The following SND1 variants were observed in gnomAD, a reference collection of about 807,000 sequenced individuals.
SND1 encodes the protein staphylococcal nuclease and tudor domain containing 1.
SND1 carries 38 observed loss-of-function variants against 121.7 expected under a neutral mutation model. The observed-to-expected ratio is 0.31, with a 90% CI of 0.24 to 0.41. The LOEUF (loss-of-function observed/expected upper bound fraction) is 0.41, where lower values mean the gene tolerates loss of function less well. Ranked by LOEUF, SND1 falls within the 10% of genes least tolerant of loss-of-function variation. The pLI is 1.00. For synonymous variants in SND1, 401 were observed against 447.4 expected, an observed-to-expected ratio of 0.90 and a Z score of 1.31; for missense variants, 868 against 1,184.6, an observed-to-expected ratio of 0.73 and a Z score of 3.92.
At chr7:128,084,983 C>A in intron 19 of SND1, 136 bp downstream of exon 19, 1 of 862,604 alleles carries the variant, frequency 1.2e-6, no homozygotes, top group Non-Finnish European at 1.7e-6. Flanking sequence ...TCCTGGGTGT[C>A]CCTCTTCATT....
At chr7:127,841,575 G>T (rs1029429182) in intron 11 of SND1, among the ~76,000 whole-genome samples, 5 of 152,082 alleles carry the variant, frequency 3.3e-5, no homozygotes, top group African/African-American at 9.7e-5. Context: ...TAAGCTTGTT[G>T]TGAGGCCTTG....
intron 10 of SND1, among the ~76,000 whole-genome samples, chr7:127,779,618 G>T (rs1390472338): frequency 2.6e-5 from 4 of 152,162 alleles, no homozygotes; most frequent in African/African-American, 9.7e-5. Flanking sequence ...TTTCTAATAT[G>T]CAGGTCACTG....
At position 127,657,497 on chromosome 7, in the gene SND1, A is replaced by AT. The variant is rs1562969374; in HGVS notation, c.78+5052dup. Among the ~76,000 whole-genome samples, 4 of 152,146 alleles carry AT rather than the reference A, an allele frequency of 2.6e-5. No individual in the cohort carries two copies. The South Asian group carries it at 8.3e-4, about 32-fold the overall frequency. Reference sequence around the variant, plus strand: ...TTCCACCATTGATGATTTATTTTTTATTTTTTATTTTTTTCAGTCAGGATT... The same window carrying AT: ...TTCCACCATTGATGATTTATTTTTTATTTTTTTATTTTTTTCAGTCAGGATT... On this transcript the variant is annotated intron_variant, in intron 1 of 23. Coordinates refer to ENST00000354725, the MANE Select transcript of SND1 (RefSeq NM_014390.4).
intron 16 of SND1, among the ~76,000 whole-genome samples, chr7:128,068,049 C>T (rs1348033255): frequency 6.6e-6 from 1 of 152,136 alleles, no homozygotes; most frequent in Non-Finnish European, 1.5e-5. Flanking sequence ...CTGGAGGAGG[C>T]TTTAGGAGAG....
intron 16 of SND1, chr7:127,998,170 T>C: frequency 2.9e-6 from 1 of 342,026 alleles, no homozygotes; most frequent in Admixed American, 3.8e-5. Flanking sequence ...GAAGAAGGCC[T>C]GTTATTTTGT....
chr7:128,019,091 C>G (rs948923540), intron 16 of SND1, among the ~76,000 whole-genome samples: 4 of 152,186 alleles, frequency 2.6e-5, no homozygotes, highest in Non-Finnish European at 5.9e-5. Flanking sequence ...ACCTGCCCCC[C>G]TCCCCACCTC....
At chr7:127,968,999 CA>C (rs1359437295) in intron 15 of SND1, among the ~76,000 whole-genome samples, 3 of 152,180 alleles carry the variant, frequency 2.0e-5, no homozygotes, top group African/African-American at 7.2e-5. Flanking sequence ...CAACTCCATC[CA>C]GAGTTGCCTC....
intron 10 of SND1, among the ~76,000 whole-genome samples, chr7:127,738,879 AC>A (rs1475481663): frequency 1.3e-5 from 2 of 152,024 alleles, no homozygotes; most frequent in Non-Finnish European, 2.9e-5. Flanking sequence ...TCCTGCCTCC[AC>A]TTGAATACTT....
At chr7:128,053,462 G>C (rs1793081049) in intron 16 of SND1, among the ~76,000 whole-genome samples, 1 of 151,946 alleles carries the variant, frequency 6.6e-6, no homozygotes, top group Non-Finnish European at 1.5e-5. Flanking sequence ...GACTCTCAGG[G>C]TTCAAAAAAA....
intron 15 of SND1, among the ~76,000 whole-genome samples, chr7:127,985,035 G>A (rs1334975564): frequency 1.3e-5 from 2 of 152,212 alleles, no homozygotes; most frequent in African/African-American, 4.8e-5. Context: ...GAATAGAGCT[G>A]TTTTTCCTAT....
At chr7:127,885,612 C>T (rs1799889522) in intron 12 of SND1, among the ~76,000 whole-genome samples, 1 of 152,004 alleles carries the variant, frequency 6.6e-6, no homozygotes, top group Non-Finnish European at 1.5e-5. Context: ...AGAAAGTGCC[C>T]TTGGTTTTTC....
chr7:127,940,061 C>T (rs1375705043), intron 15 of SND1, among the ~76,000 whole-genome samples: 2 of 152,114 alleles, frequency 1.3e-5, no homozygotes, highest in Non-Finnish European at 2.9e-5. Flanking sequence ...CCTAGGTGTT[C>T]CTTTTCGGGC....
chr7:127,724,310 A>G (rs1796546938), intron 10 of SND1, among the ~76,000 whole-genome samples: 1 of 152,268 alleles, frequency 6.6e-6, no homozygotes, highest in African/African-American at 2.4e-5. Flanking sequence ...AAGAGATATT[A>G]GGAATTAGCT....
chr7:127,706,864 A>G (rs1796210665), intron 8 of SND1, among the ~76,000 whole-genome samples: 1 of 152,242 alleles, frequency 6.6e-6, no homozygotes, highest in Non-Finnish European at 1.5e-5. Context: ...CTAAAACAAA[A>G]GATTGCAATA....
chr7:128,000,569 C>T (rs547553427), intron 16 of SND1, among the ~76,000 whole-genome samples: 1 of 152,114 alleles, frequency 6.6e-6, no homozygotes, highest in Non-Finnish European at 1.5e-5. Context: ...AGGCTTTCAC[C>T]ATGTTGCCCA....
intron 16 of SND1, among the ~76,000 whole-genome samples, chr7:128,056,831 TAAC>T (rs1217067379): frequency 1.3e-5 from 2 of 152,198 alleles, no homozygotes; most frequent in South Asian, 2.1e-4. Flanking sequence ...ATAAGATTAA[TAAC>T]AATAATAATA....
chr7:127,827,622 A>C lies in SND1; in HGVS notation c.1243-16702A>C, dbSNP rs559852183. Among the ~76,000 whole-genome samples the C allele has an allele frequency of 1.2e-4, 19 of 152,238 alleles. 1 individual carries two copies. The South Asian group carries it at 3.9e-3, about 32-fold the overall frequency. Reference sequence around the variant, plus strand: ...CAGACTTATCATTGGATATTACTTAATTTATTCTATTCTTATGTTTATCAC... The same window carrying C: ...CAGACTTATCATTGGATATTACTTACTTTATTCTATTCTTATGTTTATCAC... On this transcript the variant is annotated intron_variant, in intron 11 of 23. Coordinates refer to ENST00000354725, the MANE Select transcript of SND1 (RefSeq NM_014390.4).
At chr7:127,813,517 A>G (rs1307454603) in intron 11 of SND1, among the ~76,000 whole-genome samples, 1 of 152,264 alleles carries the variant, frequency 6.6e-6, no homozygotes, top group South Asian at 2.1e-4. Context: ...TGTTGAGCTG[A>G]GCACACATTT....
At chr7:127,706,103 T>C (rs1232050511) in intron 8 of SND1, among the ~76,000 whole-genome samples, 1 of 152,230 alleles carries the variant, frequency 6.6e-6, no homozygotes, top group Non-Finnish European at 1.5e-5. Context: ...TAGAAAGATA[T>C]AATAACCGTA....
Sources: gnomAD v4.1 joint callset for allele counts (sites outside exome capture counted in the v4.1 genomes callset) on GRCh38, gnomAD v4.1.1 for gene constraint, MANE v1.5 for transcripts, NCBI Gene and HGNC (gene_info 2026-07-23, HGNC 2026-07-21) for gene names.